The following CCDC40 variants were observed in gnomAD, a reference collection of about 807,000 sequenced individuals.
The protein encoded by CCDC40 is coiled-coil domain 40 molecular ruler complex subunit.
In CCDC40, 104 loss-of-function variants were observed where a neutral mutation model predicts 124.5. That is an observed-to-expected ratio of 0.84 (90% CI 0.71 to 0.98). CCDC40 has a LOEUF of 0.98. Among genes scored for constraint, CCDC40 ranks in the 50% least tolerant of loss-of-function variants. The probability of loss-of-function intolerance (pLI) is 0.00; values close to 1 mark genes in which losing one functional copy is unlikely to be tolerated. For missense variants in CCDC40, 1,463 were observed against 1,503.9 expected, an observed-to-expected ratio of 0.97 and a Z score of 0.45; for synonymous variants, 580 against 602.9, an observed-to-expected ratio of 0.96 and a Z score of 0.56.
At chr17:80,047,551 G>C in intron 4 of CCDC40, 149 bp downstream of exon 4, 1 of 770,288 alleles carries the variant, frequency 1.3e-6, no homozygotes, top group Non-Finnish European at 2.2e-6. Context: ...AACAGATATG[G>C]ATAACATTTA....
rs1156666517 is a variant in CCDC40, at chr17:80,089,778, T to G, written c.2726T>G (p.Leu909Arg). 1 of 1,614,206 alleles carries G rather than the reference T, an allele frequency of 6.2e-7. No individual in the cohort carries two copies. The highest frequency in any genetic ancestry group is 1.1e-5 in the South Asian group (1 of 91,092). ...QLVEAEHQIM[L>R]WEKKIQLAKE... ...TACCTCTAAAGACACCAGATTATGC[T>G]TTGGGAGAAAAAAATCCAACTGGCA... Residue 909 changes from leucine (L) to arginine (R), a missense_variant, in exon 17 of 20, where the codon CTT becomes CGT. Transcript: ENST00000397545.
At chr17:80,073,107 A>G (rs1356458570) in intron 10 of CCDC40, among the ~76,000 whole-genome samples, 1 of 151,972 alleles carries the variant, frequency 6.6e-6, no homozygotes, top group African/African-American at 2.4e-5. Context: ...GGTTCAAGCA[A>G]TTCTCCTGCT....
Position 80,086,619 on chromosome 17 carries a change from A to G in CCDC40, c.2449+403A>G. The G allele has an allele frequency of 3.7e-6, 1 of 268,452 alleles. No homozygotes were observed. The highest frequency in any genetic ancestry group is 7.3e-6 in the Non-Finnish European group (1 of 136,892). 16.6% of individuals were successfully genotyped at this position (268,452 alleles called of 1,614,324 possible). ...CCAGTTGGGCTTAGAAAACCATTCC[A>G]CCGGGGCTCCCCAACCCTTCTGAGG... is the stretch of plus-strand genomic sequence containing the variant. On this transcript the variant is annotated intron_variant, in intron 14 of 19. Transcript: ENST00000397545. The surrounding 1 kb of genome is among the most constrained non-coding windows in gnomAD (Gnocchi z 5.5).
intron 7 of CCDC40, among the ~76,000 whole-genome samples, chr17:80,052,609 G>C (rs2037630125): frequency 6.6e-6 from 1 of 152,124 alleles, no homozygotes; most frequent in African/African-American, 2.4e-5. Flanking sequence ...ACCAAAATGA[G>C]TTACCAACCC....
chr17:80,089,534 C>T (rs947870853), intron 16 of CCDC40: 1 of 451,912 alleles, frequency 2.2e-6, no homozygotes, highest in Non-Finnish European at 4.2e-6. Context: ...CTCTCTGTTT[C>T]TTCCCCACCC....
intron 10 of CCDC40, among the ~76,000 whole-genome samples, chr17:80,073,283 A>G (rs1008906238): frequency 2.0e-5 from 3 of 152,078 alleles, no homozygotes; most frequent in African/African-American, 7.2e-5. Flanking sequence ...GATTACAGGA[A>G]TCGCATTTTT....
At chr17:80,056,358 G>A (rs923592687) in intron 7 of CCDC40, among the ~76,000 whole-genome samples, 4 of 152,096 alleles carry the variant, frequency 2.6e-5, no homozygotes, top group Admixed American at 1.3e-4. Context: ...GGAGGCTCAC[G>A]CCTGTAGTGT....
rs770289676 is a variant in CCDC40, at chr17:80,050,119, A to G, written c.995A>G (p.Tyr332Cys). ...CGGCAGGAGCTGGGGGTGAATCTCT[A>G]TGAGGTGCAGCAGCACCTGGTACAC... is the stretch of plus-strand genomic sequence containing the variant. ...AQRQELGVNL[Y>C]EVQQHLVHLQ... is the part of the protein sequence containing the mutation. Residue 332 changes from tyrosine to cysteine, a missense_variant, in exon 7 of 20, where the codon TAT becomes TGT. Physicochemically the swap from Tyr to Cys is radical, Grantham distance 194. Transcript: ENST00000397545. 8 of 1,613,810 alleles carry G rather than the reference A, an allele frequency of 5.0e-6. No individual in the cohort carries two copies. The highest frequency in any genetic ancestry group is 2.7e-5 in the African/African-American group (2 of 74,922).
chr17:80,086,388 G>A lies in CCDC40; in HGVS notation c.2449+172G>A. 2 of 627,994 alleles carry A rather than the reference G, an allele frequency of 3.2e-6. No homozygotes were observed. Among genetic ancestry groups the A allele is most frequent in the Admixed American group, 2.5e-5 (1 of 39,958 alleles). The allele number at this position is 627,994 out of a possible 1,614,324, so 38.9% of individuals were successfully genotyped here. On this transcript the variant is annotated intron_variant, in intron 14 of 19. Coordinates refer to ENST00000397545, the MANE Select transcript of CCDC40 (RefSeq NM_017950.4). This position sits in a 1 kb window ranked among gnomAD's most constrained non-coding sequence, Gnocchi z 5.5. ...ATTTTGTAAATGTGAACCACTGCCT[G>A]CCCAGCTGCCCAGTTCGCAGTCACA...
chr17:80,095,540 G>A, intron 18 of CCDC40, 89 bp downstream of exon 18: 1 of 1,317,986 alleles, frequency 7.6e-7, no homozygotes, highest in Non-Finnish European at 1.1e-6. Context: ...TGGGTCCGGG[G>A]TGAGGATGCA....
intron 7 of CCDC40, among the ~76,000 whole-genome samples, chr17:80,055,558 A>G (rs1442008935): frequency 6.6e-6 from 1 of 152,220 alleles, no homozygotes; most frequent in Admixed American, 6.5e-5. Context: ...CCACGTTACC[A>G]GCTGGGAAGA....
intron 1 of CCDC40, among the ~76,000 whole-genome samples, chr17:80,036,925 T>C (rs2083856842): frequency 6.6e-6 from 1 of 151,794 alleles, no homozygotes; most frequent in Non-Finnish European, 1.5e-5. Context: ...TTGTCCTCTC[T>C]CGGCCTCCCT....
At chr17:80,079,980 C>G (rs988523215) in intron 10 of CCDC40, among the ~76,000 whole-genome samples, 3 of 151,598 alleles carry the variant, frequency 2.0e-5, no homozygotes, top group Non-Finnish European at 4.4e-5. Context: ...AATTCCAACA[C>G]TTTGGGAGGC....
At chr17:80,090,541 C>T (rs950744588) in intron 17 of CCDC40, 7 of 1,516,700 alleles carry the variant, frequency 4.6e-6, no homozygotes, top group Admixed American at 2.0e-5. Flanking sequence ...AATCACAGCA[C>T]GCTGGTATTT....
chr17:80,095,219 G>C (rs752004220), intron 17 of CCDC40, 44 bp from the exon 18 acceptor site: 1 of 1,596,152 alleles, frequency 6.3e-7, no homozygotes, highest in South Asian at 1.1e-5. Context: ...TGCAGCTGCA[G>C]CTCAGGCCTG....
chr17:80,045,952 A>G (rs2037411025), intron 3 of CCDC40, among the ~76,000 whole-genome samples: 1 of 152,008 alleles, frequency 6.6e-6, no homozygotes, highest in East Asian at 1.9e-4. Context: ...TTATCGCAAA[A>G]CAATTATGTA....
At position 80,088,227 on chromosome 17, in the gene CCDC40, A is replaced by C; in HGVS notation, c.2711+125A>C. 5 of 734,082 alleles carry C rather than the reference A, an allele frequency of 6.8e-6. No homozygotes were observed. The Admixed American group carries it at 1.0e-4, about 15-fold the overall frequency. 45.5% of individuals were successfully genotyped at this position (734,082 alleles called of 1,614,324 possible). A position where few individuals can be genotyped will look rare whatever the true frequency, so the allele number is the denominator to read the frequency against. Reference sequence around the variant, plus strand: ...ACACCCATATCCCAGTGCTTTGGTCATTTTTTGTTGTTGTTTTGTTTTTTG... The same window carrying C: ...ACACCCATATCCCAGTGCTTTGGTCCTTTTTTGTTGTTGTTTTGTTTTTTG... On this transcript the variant is annotated intron_variant, in intron 16 of 19. Coordinates refer to ENST00000397545, the MANE Select transcript of CCDC40 (RefSeq NM_017950.4).
intron 18 of CCDC40, among the ~76,000 whole-genome samples, chr17:80,095,685 G>A (rs1283070376): frequency 1.3e-5 from 2 of 152,212 alleles, no homozygotes; most frequent in East Asian, 3.8e-4. Flanking sequence ...GGATCCAGAG[G>A]CTGTTAGAGG....
intron 4 of CCDC40, 29 bp from the exon 5 acceptor site, chr17:80,048,554 C>G (rs768896013): frequency 1.7e-5 from 27 of 1,595,916 alleles, no homozygotes; most frequent in Non-Finnish European, 2.2e-5. Context: ...CCAGCAGCTC[C>G]TCAATGGTGT....
Sources: allele counts gnomAD v4.1 joint callset (sites outside exome capture counted in the v4.1 genomes callset), GRCh38; gene constraint gnomAD v4.1.1; non-coding constraint Gnocchi (gnomAD v3.1); transcripts MANE v1.5; gene names NCBI Gene and HGNC (gene_info 2026-07-23, HGNC 2026-07-21).